TMCO6: variants seen among roughly 807,000 people sequenced by gnomAD.
TMCO6 encodes transmembrane and coiled-coil domain-containing protein 6.
TMCO6 carries 47 observed loss-of-function variants against 61.8 expected under a neutral mutation model. The ratio of observed to expected loss-of-function variants is 0.76; its 90% CI spans 0.60 to 0.97. The LOEUF (loss-of-function observed/expected upper bound fraction) is 0.97, where lower values mean the gene tolerates loss of function less well. Among genes scored for constraint, TMCO6 ranks in the 50% least tolerant of loss-of-function variants. The pLI, the probability that TMCO6 is intolerant of heterozygous loss-of-function variation, is 0.00. For synonymous variants in TMCO6, 261 were observed against 254.2 expected (o/e 1.03, Z -0.25); for missense variants, 557 against 601.6 (o/e 0.93, Z 0.78).
the TMCO6 span, chr5:140,631,747 T>C: frequency 9.5e-7 from 1 of 1,053,022 alleles, no homozygotes; most frequent in Non-Finnish European, 1.4e-6. Context: ...TTTAAGATTT[T>C]AATAAAGGTG....
At chr5:140,629,629 T>G in the TMCO6 span, among the ~76,000 whole-genome samples, 1 of 152,216 alleles carries the variant, frequency 6.6e-6, no homozygotes, top group South Asian at 2.1e-4. Flanking sequence ...TCTGGAGCAT[T>G]TTGGATAAAG....
the TMCO6 span, among the ~76,000 whole-genome samples, chr5:140,628,903 G>T: frequency 2.0e-5 from 3 of 152,168 alleles, no homozygotes; most frequent in Admixed American, 6.5e-5. Flanking sequence ...AGCTAGTAGT[G>T]CCTACAGTGT....
chr5:140,647,087 C>T, downstream of TMCO6: 1 of 762,206 alleles, frequency 1.3e-6, no homozygotes, highest in Non-Finnish European at 2.0e-6. Context: ...TACAACGCAT[C>T]ATATAACCCT....
rs751070189 is a variant in TMCO6 at position 140,639,483 on chromosome 5, C to A, written c.-45C>A. 9 of 1,527,592 alleles carry A rather than the reference C, an allele frequency of 5.9e-6. No homozygotes were observed. Among genetic ancestry groups the A allele is most frequent in the Non-Finnish European group, 8.0e-6 (9 of 1,127,366 alleles). The allele number at this position is 1,527,592 out of a possible 1,614,324, so 94.6% of individuals were successfully genotyped here. A position where few individuals can be genotyped will look rare whatever the true frequency, so the allele number is the denominator to read the frequency against. ...GTGCCATCTTCTACGCCCCTGGGAG[C>A]GTTGTGGCTGCTGTTTCCTTCGGCT... is the stretch of plus-strand genomic sequence containing the variant. On this transcript the variant is annotated 5_prime_UTR_variant, in exon 1 of 12. Transcript: ENST00000394671.
the TMCO6 span, among the ~76,000 whole-genome samples, chr5:140,621,383 A>G: frequency 1.3e-5 from 2 of 152,214 alleles, no homozygotes; most frequent in African/African-American, 4.8e-5. Context: ...TCTTTACTGC[A>G]ATCTCTAAAC....
the TMCO6 span, chr5:140,633,772 A>G: frequency 1.3e-5 from 2 of 150,576 alleles, no homozygotes; most frequent in African/African-American, 4.9e-5. Context: ...TCCTTTGATT[A>G]AGTAATAACT....
chr5:140,607,791 C>CTTTTTTTT, the TMCO6 span, among the ~76,000 whole-genome samples: 4 of 138,048 alleles, frequency 2.9e-5, no homozygotes, highest in Non-Finnish European at 4.6e-5. Context: ...TTTCTATTTT[C>CTTTTTTTT]TTTTTTTTTT....
At chr5:140,634,598 G>T (rs1756722456), upstream of TMCO6, among the ~76,000 whole-genome samples, 1 of 142,686 alleles carries the variant, frequency 7.0e-6, no homozygotes, top group African/African-American at 2.6e-5. Context: ...CAATTCTCTT[G>T]CCTCAGATTC....
chr5:140,616,971 A>G, the TMCO6 span, among the ~76,000 whole-genome samples: 1 of 151,928 alleles, frequency 6.6e-6, no homozygotes, highest in Non-Finnish European at 1.5e-5. Context: ...TGAGCCTGGG[A>G]GGTGGATGTT....
At chr5:140,619,510 A>G in the TMCO6 span, among the ~76,000 whole-genome samples, 57 of 152,304 alleles carry the variant, frequency 3.7e-4, no homozygotes, top group South Asian at 0.012. Flanking sequence ...TTTCAGGTGC[A>G]ATAAGATAGG....
chr5:140,627,692 T>A, the TMCO6 span, among the ~76,000 whole-genome samples: 1 of 151,808 alleles, frequency 6.6e-6, no homozygotes, highest in South Asian at 2.1e-4. Context: ...CCAGTTATTG[T>A]AAGCTTTTTC....
At chr5:140,631,418 T>A in the TMCO6 span, among the ~76,000 whole-genome samples, 1 of 152,164 alleles carries the variant, frequency 6.6e-6, no homozygotes, top group African/African-American at 2.4e-5. Flanking sequence ...AGGGAGCAGC[T>A]GGCTCTTGGG....
Position 140,643,675 on chromosome 5 carries a change from G to C in TMCO6, c.918G>C (p.Leu306=). 6.2e-7 allele frequency: 1 copy of C among 1,610,070 alleles called. No individual in the cohort carries two copies. Among genetic ancestry groups the C allele is most frequent in the Non-Finnish European group, 8.5e-7 (1 of 1,177,546 alleles). ...AAACCGAGGATGCAGGACTGGAGCTGGTAGGTGAAGATGTCAGGTGAAATT... is the reference window on the plus strand; with the variant it reads ...AAACCGAGGATGCAGGACTGGAGCTCGTAGGTGAAGATGTCAGGTGAAATT... The part of the protein sequence containing the change: ...VQKTEDAGLE[L]LACPVLRCLS... The change falls in exon 8 of 12, where the codon CTG becomes CTC. Residue 306 remains leucine, a splice_region_variant and synonymous_variant. Transcript: ENST00000394671.
chr5:140,647,018 C>A, downstream of TMCO6: 1 of 471,126 alleles, frequency 2.1e-6, no homozygotes, highest in Non-Finnish European at 3.7e-6. Flanking sequence ...ACTACAAAAA[C>A]GTCAGCTCCT....
At chr5:140,608,341 C>T in the TMCO6 span, among the ~76,000 whole-genome samples, 1 of 152,110 alleles carries the variant, frequency 6.6e-6, no homozygotes, top group Non-Finnish European at 1.5e-5. Context: ...CATATTTTTA[C>T]TTGATTTGTT....
the TMCO6 span, chr5:140,633,012 A>G: frequency 1.9e-6 from 3 of 1,614,090 alleles, no homozygotes; most frequent in Non-Finnish European, 2.5e-6. Context: ...AGGAGGCCCC[A>G]TCCAACCCCT....
chr5:140,638,873 T>C (rs901767879), upstream of TMCO6: 1 of 152,388 alleles, frequency 6.6e-6, no homozygotes, highest in Non-Finnish European at 1.5e-5. Flanking sequence ...GTGTATTTCT[T>C]GAATGAACTG....
chr5:140,644,006 AT>A, intron 9 of TMCO6, 40 bp downstream of exon 9: 1 of 1,613,466 alleles, frequency 6.2e-7, no homozygotes, highest in Non-Finnish European at 8.5e-7. Flanking sequence ...CATTTGGATA[AT>A]GGGGATATTT....
At chr5:140,599,918 T>C in the TMCO6 span, among the ~76,000 whole-genome samples, 2 of 113,058 alleles carry the variant, frequency 1.8e-5, no homozygotes, top group East Asian at 2.0e-4. Flanking sequence ...AAATAAAATA[T>C]AAAATAAAAT....
Sources: gnomAD v4.1 joint callset for allele counts (sites outside exome capture counted in the v4.1 genomes callset) on GRCh38, gnomAD v4.1.1 for gene constraint, MANE v1.5 for transcripts, NCBI Gene and HGNC (gene_info 2026-07-23, HGNC 2026-07-21) for gene names.